SPRY4: variants seen among roughly 807,000 people sequenced by gnomAD.
The protein encoded by SPRY4 is sprouty RTK signaling antagonist 4.
In SPRY4, 7 loss-of-function variants were observed where a neutral mutation model predicts 17.0. The observed-to-expected ratio is 0.41, with a 90% CI of 0.23 to 0.77. The LOEUF (loss-of-function observed/expected upper bound fraction) is 0.77, where lower values mean the gene tolerates loss of function less well. SPRY4 is among the 30% of genes least tolerant of loss of function. The pLI, the probability that SPRY4 is intolerant of heterozygous loss-of-function variation, is 0.32. For missense variants in SPRY4, 435 were observed against 419.9 expected, an observed-to-expected ratio of 1.04 and a Z score of -0.31; for synonymous variants, 183 against 174.1, an observed-to-expected ratio of 1.05 and a Z score of -0.40.
chr5:142,322,461 A>C (rs1759373669), intron 1 of SPRY4, among the ~76,000 whole-genome samples: 2 of 138,808 alleles, frequency 1.4e-5, no homozygotes. Context: ...ACAGAGCAAG[A>C]CTCGTCTCAA....
chr5:142,319,725 A>G, intron 1 of SPRY4: 1 of 1,611,388 alleles, frequency 6.2e-7, no homozygotes, highest in South Asian at 1.1e-5. Flanking sequence ...AGCCAGTCTG[A>G]CACTCACTGC....
intron 1 of SPRY4, chr5:142,317,147 A>G (rs1759180444): frequency 9.1e-6 from 9 of 985,482 alleles, no homozygotes; most frequent in Non-Finnish European, 1.1e-5. Context: ...GGCTGGAGAG[A>G]GGGAATGCAA....
At chr5:142,319,828 C>T in intron 1 of SPRY4, 1 of 1,583,918 alleles carries the variant, frequency 6.3e-7, no homozygotes, top group Non-Finnish European at 8.6e-7. Flanking sequence ...TAAATGTCCG[C>T]ACAATTGAGC....
At position 142,313,997 on chromosome 5, in the gene SPRY4, T is replaced by A. The variant is rs1226069827; in HGVS notation, c.*212A>T. The A allele has an allele frequency of 3.4e-6, 2 of 594,036 alleles. No individual in the cohort carries two copies. The highest frequency in any genetic ancestry group is 5.8e-6 in the Non-Finnish European group (2 of 342,324). The allele number at this position is 594,036 out of a possible 1,614,324, so 36.8% of individuals were successfully genotyped here. A position where few individuals can be genotyped will look rare whatever the true frequency, so the allele number is the denominator to read the frequency against. ...TGTTTGACACAAAGTTTCAGGACCC[T>A]GAAAAAAAGCCCCAAAGTGCTTCTT... is the stretch of plus-strand genomic sequence containing the variant. On this transcript the variant is annotated 3_prime_UTR_variant, in exon 2 of 2. Transcript: ENST00000434127.
intron 1 of SPRY4, chr5:142,315,439 A>G: frequency 2.7e-6 from 1 of 369,890 alleles, no homozygotes; most frequent in Admixed American, 4.1e-5. Flanking sequence ...CGTAACTACT[A>G]TTATCCCCCT....
At chr5:142,324,334 A>C (rs1759459581) in intron 1 of SPRY4, 1 of 152,296 alleles carries the variant, frequency 6.6e-6, no homozygotes. Flanking sequence ...AAGAGAAAGA[A>C]AAAATCTACG....
chr5:142,322,483 A>ATATATATAT (rs1554100328), intron 1 of SPRY4, among the ~76,000 whole-genome samples: 62 of 117,542 alleles, frequency 5.3e-4, no homozygotes, highest in African/African-American at 1.6e-3. Flanking sequence ...AAAAAAAAAA[A>ATATATATAT]ATATATATAT....
chr5:142,312,063 A>G lies in SPRY4; in HGVS notation c.*2146T>C, dbSNP rs1205307549. 1 of 75,262 alleles carries G rather than the reference A, an allele frequency of 1.3e-5. No homozygotes were observed. The highest frequency in any genetic ancestry group is 2.8e-5 in the Non-Finnish European group (1 of 35,658). The allele number at this position is 75,262 out of a possible 1,614,324, so 4.7% of individuals were successfully genotyped here. On this transcript the variant is annotated 3_prime_UTR_variant, in exon 2 of 2. Transcript: ENST00000434127. The stretch of plus-strand genomic sequence containing the variant: ...CTGGGTCAAGTTTCCCATGGAGACA[A>G]TTTGAGGGAGGGGCCCTGGGAAGTT...
At position 142,314,624 on chromosome 5, in the gene SPRY4, C is replaced by T; in HGVS notation, c.485G>A (p.Cys162Tyr). ...LDKHFLLCEACGKCKCKECAS... is the reference protein window; with the variant it reads ...LDKHFLLCEAYGKCKCKECAS... ...ACACTCCTTGCATTTACACTTCCCACAGGCCTCGCACAGCAAGAAGTGCTT... is the reference window on the plus strand; with the variant it reads ...ACACTCCTTGCATTTACACTTCCCATAGGCCTCGCACAGCAAGAAGTGCTT... Residue 162 changes from cysteine to tyrosine, a missense_variant, in exon 2 of 2, where the codon TGT becomes TAT. By Grantham distance (194) the Cys-to-Tyr change is radical (BLOSUM62 -2). Coordinates refer to ENST00000434127, the MANE Select transcript of SPRY4 (RefSeq NM_001127496.3). The surrounding 1 kb of genome is among the most constrained non-coding windows in gnomAD (Gnocchi z 4.8). 1 of 1,614,250 alleles carries T rather than the reference C, an allele frequency of 6.2e-7. No homozygotes were observed. The highest frequency in any genetic ancestry group is 8.5e-7 in the Non-Finnish European group (1 of 1,180,038).
chr5:142,320,996 A>G (rs1759327666), intron 1 of SPRY4, among the ~76,000 whole-genome samples: 1 of 152,058 alleles, frequency 6.6e-6, no homozygotes, highest in Admixed American at 6.5e-5. Context: ...TGCTTCCTTC[A>G]CTGACTGGGG....
chr5:142,314,731 T>C lies in SPRY4; in HGVS notation c.378A>G (p.Pro126=), dbSNP rs2126988111. Residue 126 remains proline, a synonymous_variant, in exon 2 of 2, where the codon CCA becomes CCG. Coordinates refer to ENST00000434127, the MANE Select transcript of SPRY4 (RefSeq NM_001127496.3). The surrounding 1 kb of genome is among the most constrained non-coding windows in gnomAD (Gnocchi z 4.8). ...CCTTGGGCTGGATGCGCACAGCCCT[T>C]GGTGAGGCCTGGTCAGCCACGGGTG... ...APPPVADQAS[P]RAVRIQPKVV... 3 of 1,609,706 alleles carry C rather than the reference T, an allele frequency of 1.9e-6. 1 individual carries two copies. In the Middle Eastern group the frequency reaches 5.0e-4, roughly 266 times the overall value.
chr5:142,314,427 G>GGGAGCA lies in SPRY4; in HGVS notation c.676_681dup (p.Cys226_Ser227dup), dbSNP rs775093147. Reference sequence around the variant, plus strand: ...GACCAGCGGGCGCAGCAGTTGGAGCGGGAGCAGGAGCAGGGGTGGTCAGCG... The same window carrying GGGAGCA: ...GACCAGCGGGCGCAGCAGTTGGAGCGGGAGCAGGAGCAGGAGCAGGGGTGGTCAGCG... On this transcript the variant is annotated inframe_insertion, in exon 2 of 2. Transcript: ENST00000434127. This position sits in a 1 kb window ranked among gnomAD's most constrained non-coding sequence, Gnocchi z 4.8. 5 of 1,613,892 alleles carry GGGAGCA rather than the reference G, an allele frequency of 3.1e-6. No homozygotes were observed. The highest frequency in any genetic ancestry group is 3.3e-5 in the Admixed American group (2 of 59,980).
chr5:142,310,856 G>A lies in SPRY4; in HGVS notation c.*3353C>T. ...TGCTTGTCAAAGGCATGAACCAGAA[G>A]GCTAGTGAGGCTCGCAGGATGCCCT... On this transcript the variant is annotated 3_prime_UTR_variant, in exon 2 of 2. Coordinates refer to ENST00000434127, the MANE Select transcript of SPRY4 (RefSeq NM_001127496.3). 1 of 152,234 alleles carries A rather than the reference G, an allele frequency of 6.6e-6. No individual in the cohort carries two copies. The highest frequency in any genetic ancestry group is 3.2e-3 in the Middle Eastern group (1 of 316). The allele number at this position is 152,234 out of a possible 1,614,324, so 9.4% of individuals were successfully genotyped here.
At chr5:142,322,217 G>A (rs1005402023) in intron 1 of SPRY4, among the ~76,000 whole-genome samples, 7 of 152,122 alleles carry the variant, frequency 4.6e-5, no homozygotes, top group Non-Finnish European at 8.8e-5. Context: ...GGTGGCTCAC[G>A]CCTGTAATCC....
intron 1 of SPRY4, chr5:142,315,706 T>G (rs1328047276): frequency 6.5e-6 from 1 of 152,822 alleles, no homozygotes; most frequent in Non-Finnish European, 1.5e-5. Context: ...CCTTAGATTT[T>G]GGTTTTGTCA....
rs141389488 is a variant in SPRY4, at chr5:142,322,562, T to C, written c.-48+2282A>G. Among the ~76,000 whole-genome samples the C allele has an allele frequency of 1.1e-3, 174 of 151,864 alleles. 1 individual carries two copies. The highest frequency in any genetic ancestry group is 2.0e-3 in the Non-Finnish European group (134 of 67,962). ...CCTGTCCACAGCCTCTGCCCTACTATGTGTTCTGTCTCCTCCCACCAGCCC... is the reference window on the plus strand; with the variant it reads ...CCTGTCCACAGCCTCTGCCCTACTACGTGTTCTGTCTCCTCCCACCAGCCC... On this transcript the variant is annotated intron_variant, in intron 1 of 1. Transcript: ENST00000434127.
intron 1 of SPRY4, among the ~76,000 whole-genome samples, chr5:142,322,217 G>T (rs1005402023): frequency 6.6e-6 from 1 of 152,122 alleles, no homozygotes; most frequent in South Asian, 2.1e-4. Flanking sequence ...GGTGGCTCAC[G>T]CCTGTAATCC....
At chr5:142,317,698 G>C in intron 1 of SPRY4, 1 of 984,378 alleles carries the variant, frequency 1.0e-6, no homozygotes, top group Non-Finnish European at 1.2e-6. Context: ...AATGGGCAAT[G>C]CTCAGAAATT....
At chr5:142,321,103 G>A (rs1328256259) in intron 1 of SPRY4, among the ~76,000 whole-genome samples, 1 of 152,178 alleles carries the variant, frequency 6.6e-6, no homozygotes, top group Non-Finnish European at 1.5e-5. Flanking sequence ...CTTGTCAGCT[G>A]TCCGGATCTG....
Sources: allele counts gnomAD v4.1 joint callset (sites outside exome capture counted in the v4.1 genomes callset), GRCh38; gene constraint gnomAD v4.1.1; non-coding constraint Gnocchi (gnomAD v3.1); transcripts MANE v1.5; gene names NCBI Gene and HGNC (gene_info 2026-07-23, HGNC 2026-07-21).